Variants in NRG1 observed in about 807,000 individuals in gnomAD.
NRG1 encodes pro-neuregulin-1, membrane-bound isoform.
In NRG1, 18 loss-of-function variants were observed where a neutral mutation model predicts 63.8. The observed-to-expected ratio is 0.28, with a 90% CI of 0.19 to 0.42. The LOEUF is 0.42. Ranked by LOEUF, NRG1 falls within the 10% of genes least tolerant of loss-of-function variation. NRG1 has a pLI of 1.00. For synonymous variants in NRG1, 302 were observed against 301.3 expected (o/e 1.00, Z -0.02); for missense variants, 762 against 814.7 (o/e 0.94, Z 0.79).
At chr8:32,602,032 G>A (rs1186961986) in intron 2 of NRG1, among the ~76,000 whole-genome samples, 2 of 152,122 alleles carry the variant, frequency 1.3e-5, no homozygotes, top group Non-Finnish European at 2.9e-5. Flanking sequence ...ATGTACTTGT[G>A]ATGCTTATCT....
intron 1 of NRG1, among the ~76,000 whole-genome samples, chr8:31,962,766 TC>T (rs1805672963): frequency 6.6e-6 from 1 of 152,152 alleles, no homozygotes; most frequent in East Asian, 1.9e-4. Context: ...GCCTGCCATT[TC>T]TCTTATATTC....
In NRG1 at chr8:32,165,005, C is replaced by T. The variant is rs142349036; in HGVS notation, c.38-430823C>T. On this transcript the variant is annotated intron_variant, in intron 1 of 10. Coordinates refer to the NRG1 transcript ENST00000519301. ...AAGAAATAAAATGAGAGGGTTTTGACACCTCTCCCTCTCCCCCACCCCCCA... is the reference window on the plus strand; with the variant it reads ...AAGAAATAAAATGAGAGGGTTTTGATACCTCTCCCTCTCCCCCACCCCCCA... 9.5e-3 allele frequency among the ~76,000 whole-genome samples: 1,446 copies of T among 152,158 alleles called. 28 individuals carry two copies. Among genetic ancestry groups the T allele is most frequent in the African/African-American group, 0.033 (1,370 of 41,520 alleles).
intron 1 of NRG1, among the ~76,000 whole-genome samples, chr8:32,430,324 T>C (rs931036885): frequency 6.6e-6 from 1 of 152,200 alleles, no homozygotes; most frequent in Non-Finnish European, 1.5e-5. Context: ...ATTTCTCTGC[T>C]TCACTGTGTC....
chr8:31,663,634 A>G (rs1489380798), intron 1 of NRG1, among the ~76,000 whole-genome samples: 1 of 152,192 alleles, frequency 6.6e-6, no homozygotes, highest in Non-Finnish European at 1.5e-5. Context: ...CAAATGTCAT[A>G]TACTTTGATA....
At chr8:32,741,973 A>C in intron 6 of NRG1, 35 bp from the exon 7 acceptor site, 8 of 1,358,908 alleles carry the variant, frequency 5.9e-6, no homozygotes, top group Non-Finnish European at 8.1e-6. Flanking sequence ...TGTCTTTAGC[A>C]TTTTTTTTTT....
chr8:31,866,703 A>G (rs1828993318), intron 1 of NRG1, among the ~76,000 whole-genome samples: 1 of 152,142 alleles, frequency 6.6e-6, no homozygotes, highest in South Asian at 2.1e-4. Flanking sequence ...TCTCTGTAAG[A>G]GCTTGTGTTG....
intron 1 of NRG1, among the ~76,000 whole-genome samples, chr8:32,273,532 A>G (rs1434400805): frequency 1.3e-5 from 2 of 152,358 alleles, no homozygotes; most frequent in Middle Eastern, 3.4e-3. Context: ...AAGTGTTGCT[A>G]TGTGATTACA....
intron 11 of NRG1, chr8:32,763,327 T>C (rs200294955): frequency 6.9e-5 from 111 of 1,613,948 alleles, no homozygotes; most frequent in Non-Finnish European, 9.2e-5. Flanking sequence ...CCATTTGGGC[T>C]TCATTCTCTA....
chr8:31,678,794 T>G (rs1388269171), intron 1 of NRG1, among the ~76,000 whole-genome samples: 1 of 148,410 alleles, frequency 6.7e-6, no homozygotes. Flanking sequence ...ATTTAAATAT[T>G]TATATTTAAA....
At chr8:31,728,740 A>G (rs190767321) in intron 1 of NRG1, among the ~76,000 whole-genome samples, 244 of 152,330 alleles carry the variant, frequency 1.6e-3, no homozygotes, top group African/African-American at 5.7e-3. Flanking sequence ...CAAGTTATCA[A>G]GAAGGTCAAA....
intron 1 of NRG1, among the ~76,000 whole-genome samples, chr8:31,957,482 G>A (rs1387709610): frequency 1.3e-5 from 2 of 152,108 alleles, no homozygotes; most frequent in African/African-American, 4.8e-5. Context: ...TTGTTTTAAA[G>A]CTCAGAGAGA....
chr8:32,764,438 T>G, exon 12 of NRG1: 1 of 1,451,296 alleles, frequency 6.9e-7, no homozygotes, highest in Non-Finnish European at 9.1e-7. Flanking sequence ...CTGTAAAACT[T>G]TATTTTATAT....
intron 5 of NRG1, among the ~76,000 whole-genome samples, chr8:32,670,696 C>A (rs1005071408): frequency 6.6e-6 from 1 of 152,110 alleles, no homozygotes; most frequent in Admixed American, 6.5e-5. Context: ...TATGTTACCC[C>A]CTAATACACA....
intron 5 of NRG1, among the ~76,000 whole-genome samples, chr8:32,662,436 G>A (rs1803105910): frequency 6.6e-6 from 1 of 152,182 alleles, no homozygotes; most frequent in Non-Finnish European, 1.5e-5. Context: ...GCCATTCATT[G>A]TAAGAATGAT....
At chr8:32,197,680 A>G (rs1244337702) in intron 1 of NRG1, among the ~76,000 whole-genome samples, 1 of 152,364 alleles carries the variant, frequency 6.6e-6, no homozygotes, top group East Asian at 1.9e-4. Flanking sequence ...ACTTTAAGCC[A>G]GTCATTTCAG....
chr8:32,212,312 A>G lies in NRG1; in HGVS notation c.38-383516A>G, dbSNP rs375760086. On this transcript the variant is annotated intron_variant, in intron 1 of 10. Coordinates refer to the NRG1 transcript ENST00000519301. Reference sequence around the variant, plus strand: ...AGCGTCAGGCAATTTAAGAGCACTCAGTAAAGTTAGCTCTTATTAAATTTT... The same window carrying G: ...AGCGTCAGGCAATTTAAGAGCACTCGGTAAAGTTAGCTCTTATTAAATTTT... Among the ~76,000 whole-genome samples the G allele has an allele frequency of 1.1e-3, 175 of 152,286 alleles. 4 individuals are homozygous for G. The South Asian group carries it at 0.035, about 31-fold the overall frequency.
At chr8:31,661,626 G>A (rs1412740152) in intron 1 of NRG1, among the ~76,000 whole-genome samples, 1 of 152,198 alleles carries the variant, frequency 6.6e-6, no homozygotes, top group Non-Finnish European at 1.5e-5. Flanking sequence ...TTAACCAGTT[G>A]TGTCATTGAT....
chr8:31,954,246 G>C (rs73586511), intron 1 of NRG1, among the ~76,000 whole-genome samples: 2 of 152,120 alleles, frequency 1.3e-5, no homozygotes, highest in African/African-American at 4.8e-5. Flanking sequence ...CCCCCATTTA[G>C]AGGTGAAGAC....
chr8:31,843,017 A>G (rs1421740443), intron 1 of NRG1, among the ~76,000 whole-genome samples: 1 of 152,300 alleles, frequency 6.6e-6, no homozygotes, highest in South Asian at 2.1e-4. Flanking sequence ...ATGCGTATTA[A>G]CACAGATATG....
Sources: allele counts gnomAD v4.1 joint callset (sites outside exome capture counted in the v4.1 genomes callset), GRCh38; gene constraint gnomAD v4.1.1; transcripts MANE v1.5; gene names NCBI Gene and HGNC (gene_info 2026-07-23, HGNC 2026-07-21).